Variants in CEP128 observed in about 807,000 individuals in gnomAD.
The protein encoded by CEP128 is centrosomal protein 128kDa.
In CEP128, 132 loss-of-function variants were observed where a neutral mutation model predicts 156.7. The ratio of observed to expected loss-of-function variants is 0.84; its 90% CI spans 0.73 to 0.97. The LOEUF is 0.97. Among genes scored for constraint, CEP128 ranks in the 50% least tolerant of loss-of-function variants. The probability of loss-of-function intolerance (pLI) is 0.00; values close to 1 mark genes in which losing one functional copy is unlikely to be tolerated. For synonymous variants in CEP128, 469 were observed against 448.9 expected (o/e 1.04, Z -0.57); for missense variants, 1,252 against 1,281.9 (o/e 0.98, Z 0.36).
intron 9 of CEP128, among the ~76,000 whole-genome samples, chr14:80,861,464 C>G (rs1157618959): frequency 6.6e-6 from 1 of 152,016 alleles, no homozygotes; most frequent in Non-Finnish European, 1.5e-5. Flanking sequence ...TTATATGACT[C>G]CTGATATGAT....
chr14:80,647,082 TATATAC>T (rs1894686378), intron 19 of CEP128, among the ~76,000 whole-genome samples: 3 of 79,720 alleles, frequency 3.8e-5, no homozygotes, highest in Admixed American at 1.6e-4. Context: ...TATATATATA[TATATAC>T]ACCCTTATAA....
chr14:80,934,053 T>A (rs1181413584), intron 2 of CEP128, among the ~76,000 whole-genome samples: 1 of 152,168 alleles, frequency 6.6e-6, no homozygotes, highest in Non-Finnish European at 1.5e-5. Context: ...AGCAAGTCAC[T>A]TACTGTGGAG....
intron 19 of CEP128, among the ~76,000 whole-genome samples, chr14:80,704,907 A>C (rs1006245913): frequency 6.6e-6 from 1 of 152,052 alleles, no homozygotes; most frequent in African/African-American, 2.4e-5. Flanking sequence ...GCTGATATAT[A>C]CATTACTCCA....
chr14:80,480,463 G>C (rs1421559044), intron 14 of CEP128, among the ~76,000 whole-genome samples: 3 of 152,068 alleles, frequency 2.0e-5, no homozygotes. Context: ...GCCATGGCTG[G>C]AGTGGCTGAG....
chr14:80,772,767 A>G (rs1900583365), intron 16 of CEP128, among the ~76,000 whole-genome samples: 1 of 152,208 alleles, frequency 6.6e-6, no homozygotes, highest in African/African-American at 2.4e-5. Context: ...GCAGCCCAAC[A>G]GACAAGCCAC....
chr14:80,774,083 C>T (rs915755408), intron 16 of CEP128, among the ~76,000 whole-genome samples: 1 of 152,164 alleles, frequency 6.6e-6, no homozygotes, highest in South Asian at 2.1e-4. Context: ...TATATCACCA[C>T]TGAATACATG....
downstream of CEP128, among the ~76,000 whole-genome samples, chr14:80,485,701 G>A (rs953343695): frequency 1.3e-5 from 2 of 152,094 alleles, no homozygotes; most frequent in South Asian, 2.1e-4. Flanking sequence ...CAAGAATTTA[G>A]CAATGAATGA....
intron 24 of CEP128, among the ~76,000 whole-genome samples, chr14:80,500,259 G>C (rs1056942789): frequency 6.6e-6 from 1 of 152,106 alleles, no homozygotes; most frequent in Non-Finnish European, 1.5e-5. Flanking sequence ...GTTTGACAGG[G>C]CATCTAAGTC....
chr14:80,484,704 G>C (rs1332958033), intron 14 of CEP128, among the ~76,000 whole-genome samples: 1 of 152,158 alleles, frequency 6.6e-6, no homozygotes, highest in Non-Finnish European at 1.5e-5. Context: ...TTCAACACTA[G>C]GGTTACAGAC....
chr14:80,823,367 T>C (rs1036316215), intron 13 of CEP128, among the ~76,000 whole-genome samples: 1 of 152,182 alleles, frequency 6.6e-6, no homozygotes, highest in African/African-American at 2.4e-5. Context: ...TTGTGAAAAG[T>C]TGTTAAACAA....
intron 19 of CEP128, among the ~76,000 whole-genome samples, chr14:80,642,144 C>T (rs1262197918): frequency 6.6e-6 from 1 of 150,644 alleles, no homozygotes; most frequent in Non-Finnish European, 1.5e-5. Context: ...CTACAAACTG[C>T]TGTGATTCCA....
chr14:80,794,201 AT>A (rs1184321556), intron 13 of CEP128, among the ~76,000 whole-genome samples: 1 of 152,200 alleles, frequency 6.6e-6, no homozygotes, highest in African/African-American at 2.4e-5. Context: ...AACTAGAAAC[AT>A]TTACCAAGCT....
intron 18 of CEP128, among the ~76,000 whole-genome samples, chr14:80,750,506 C>A (rs1899336773): frequency 6.6e-6 from 1 of 152,118 alleles, no homozygotes. Context: ...TTTTTAATAA[C>A]CCATGTGGTC....
chr14:80,617,332 G>C (rs1893263279), intron 19 of CEP128, among the ~76,000 whole-genome samples: 1 of 136,468 alleles, frequency 7.3e-6, no homozygotes, highest in African/African-American at 2.7e-5. Flanking sequence ...CCGGGTTCAC[G>C]CCATTCTCCT....
chr14:80,561,916 G>A (rs1455843986), intron 20 of CEP128, among the ~76,000 whole-genome samples: 31 of 84,618 alleles, frequency 3.7e-4, no homozygotes, highest in African/African-American at 1.1e-3. Flanking sequence ...ATATATATTT[G>A]TTTTGTTTTG....
In CEP128 at chr14:80,643,826, C is replaced by G. The variant is rs116898952; in HGVS notation, c.2807-63403G>C. ...AAATAAACATACTCCAAGCAAGGAT[C>G]AGATAGTTCAGCTCACACTAAGTAA... On this transcript the variant is annotated intron_variant, in intron 19 of 24. Coordinates refer to ENST00000555265, the MANE Select transcript of CEP128 (RefSeq NM_152446.5). Among the ~76,000 whole-genome samples the G allele has an allele frequency of 3.2e-4, 48 of 152,292 alleles. No individual in the cohort carries two copies. In the East Asian group the frequency reaches 7.7e-3, roughly 25 times the overall value.
chr14:80,934,244 G>A (rs1439179310), intron 2 of CEP128, among the ~76,000 whole-genome samples: 2 of 152,114 alleles, frequency 1.3e-5, no homozygotes, highest in African/African-American at 4.8e-5. Context: ...AGCAAACTAT[G>A]GCACAGCCAA....
chr14:80,507,766 C>T (rs372073005), intron 23 of CEP128, among the ~76,000 whole-genome samples: 62 of 152,030 alleles, frequency 4.1e-4, no homozygotes, highest in Middle Eastern at 3.4e-3. Flanking sequence ...CTTCAAAATG[C>T]GCCTACCAGA....
chr14:80,861,774 C>A (rs1264599301), intron 9 of CEP128, among the ~76,000 whole-genome samples: 1 of 152,112 alleles, frequency 6.6e-6, no homozygotes, highest in Non-Finnish European at 1.5e-5. Flanking sequence ...TAGTATTTTA[C>A]TGATTTTAAT....
Sources: allele counts gnomAD v4.1 joint callset (sites outside exome capture counted in the v4.1 genomes callset), GRCh38; gene constraint gnomAD v4.1.1; transcripts MANE v1.5; gene names NCBI Gene and HGNC (gene_info 2026-07-23, HGNC 2026-07-21).